Variants in PCTP observed in about 807,000 individuals in gnomAD.
PCTP encodes the protein START domain-containing protein 2.
In PCTP, 27 loss-of-function variants were observed where a neutral mutation model predicts 31.0. The ratio of observed to expected loss-of-function variants is 0.87; its 90% CI spans 0.64 to 1.20. PCTP has a LOEUF of 1.20. Ranked by LOEUF, PCTP falls within the 50% of genes most tolerant of loss-of-function variation. The pLI, the probability that PCTP is intolerant of heterozygous loss-of-function variation, is 0.00. For missense variants in PCTP, 287 were observed against 268.2 expected, an observed-to-expected ratio of 1.07 and a Z score of -0.49; for synonymous variants, 108 against 101.2, an observed-to-expected ratio of 1.07 and a Z score of -0.40.
chr17:55,774,934 C>G, intron 5 of PCTP, 75 bp downstream of exon 5: 1 of 1,448,482 alleles, frequency 6.9e-7, no homozygotes, highest in East Asian at 2.3e-5. Flanking sequence ...GCCCGCGGGG[C>G]TGTCAGGCTG....
intron 3 of PCTP, among the ~76,000 whole-genome samples, chr17:55,797,980 T>C (rs1912238839): frequency 6.6e-6 from 1 of 151,844 alleles, no homozygotes. Context: ...AAAACTGGGA[T>C]TCATATGTCC....
chr17:55,815,107 A>G (rs1315116699), intron 3 of PCTP, among the ~76,000 whole-genome samples: 1 of 152,216 alleles, frequency 6.6e-6, no homozygotes, highest in African/African-American at 2.4e-5. Flanking sequence ...GCTTATGTGC[A>G]TTGCTGCTTG....
At chr17:55,751,352 T>G in intron 1 of PCTP, 108 bp downstream of exon 1, 1 of 1,525,762 alleles carries the variant, frequency 6.6e-7, no homozygotes, top group Non-Finnish European at 8.8e-7. Context: ...GCGCGTCTTC[T>G]CCGGCTCAGG....
At chr17:55,796,324 G>GAT (rs1395303884) in intron 3 of PCTP, among the ~76,000 whole-genome samples, 1 of 151,866 alleles carries the variant, frequency 6.6e-6, no homozygotes, top group Non-Finnish European at 1.5e-5. Flanking sequence ...TTCTCATAGG[G>GAT]ATATATCTCT....
intron 1 of PCTP, among the ~76,000 whole-genome samples, chr17:55,763,947 C>G (rs929772684): frequency 2.6e-5 from 4 of 152,134 alleles, no homozygotes; most frequent in Non-Finnish European, 5.9e-5. Flanking sequence ...CATTTGGTTC[C>G]TCTGGAGCTC....
chr17:55,775,909 C>A (rs1490837360), intron 5 of PCTP, 126 bp from the exon 6 acceptor site: 2 of 1,448,152 alleles, frequency 1.4e-6, no homozygotes, highest in African/African-American at 2.9e-5. Flanking sequence ...CTGTTGAAAT[C>A]CAGTTAGGGA....
chr17:55,775,520 C>G, intron 5 of PCTP: 1 of 1,177,192 alleles, frequency 8.5e-7, no homozygotes, highest in Non-Finnish European at 1.1e-6. Flanking sequence ...TTTAAGGAAG[C>G]CATGCATTTC....
intron 3 of PCTP, among the ~76,000 whole-genome samples, chr17:55,813,742 A>G (rs1912826436): frequency 6.6e-6 from 1 of 152,214 alleles, no homozygotes; most frequent in South Asian, 2.1e-4. Context: ...GTTGTCCCAT[A>G]TTCCTTAAAA....
downstream of PCTP, among the ~76,000 whole-genome samples, chr17:55,778,820 G>A (rs566823722): frequency 2.2e-4 from 33 of 152,268 alleles, no homozygotes; most frequent in Admixed American, 6.5e-4. Flanking sequence ...ACTACTGTTG[G>A]TGGTAAATTT....
At chr17:55,789,386 A>T (rs546829994) in intron 3 of PCTP, among the ~76,000 whole-genome samples, 1 of 152,328 alleles carries the variant, frequency 6.6e-6, no homozygotes, top group Admixed American at 6.5e-5. Flanking sequence ...TTGTTCAGAT[A>T]CAGGATTAAT....
downstream of PCTP, among the ~76,000 whole-genome samples, chr17:55,844,669 C>G (rs1485079119): frequency 6.6e-6 from 1 of 152,098 alleles, no homozygotes; most frequent in Non-Finnish European, 1.5e-5. Context: ...AGAATCTAAT[C>G]CCTGCTCAGC....
chr17:55,760,481 C>T (rs928803646), intron 1 of PCTP, among the ~76,000 whole-genome samples: 1 of 152,150 alleles, frequency 6.6e-6, no homozygotes, highest in Non-Finnish European at 1.5e-5. Context: ...ACCCATTTTG[C>T]AGGTTAGTAG....
chr17:55,777,478 A>G (rs2144979235), downstream of PCTP: 5 of 841,754 alleles, frequency 5.9e-6, no homozygotes, highest in Non-Finnish European at 7.2e-6. Context: ...TTGTAGACTT[A>G]AACATAAAAC....
intron 1 of PCTP, among the ~76,000 whole-genome samples, chr17:55,763,502 A>T (rs1460123908): frequency 6.6e-6 from 1 of 151,890 alleles, no homozygotes; most frequent in Non-Finnish European, 1.5e-5. Flanking sequence ...TATTCTGGAA[A>T]TTTTTTTTCA....
At chr17:55,811,382 C>A (rs575312396) in intron 3 of PCTP, among the ~76,000 whole-genome samples, 1 of 152,286 alleles carries the variant, frequency 6.6e-6, no homozygotes, top group Admixed American at 6.5e-5. Flanking sequence ...TCCTGACAAC[C>A]AACTATGCAG....
downstream of PCTP, among the ~76,000 whole-genome samples, chr17:55,847,042 T>C (rs1906167283): frequency 6.6e-6 from 1 of 152,328 alleles, no homozygotes; most frequent in Non-Finnish European, 1.5e-5. Context: ...TGCCATGTAG[T>C]AGCCTTTCAA....
chr17:55,775,183 T>C (rs1367287059), intron 5 of PCTP: 7 of 1,253,490 alleles, frequency 5.6e-6, no homozygotes, highest in Non-Finnish European at 6.1e-6. Context: ...TTGGAGCCTA[T>C]ATTCCTCTGC....
chr17:55,846,021 C>A (rs957729894), downstream of PCTP, among the ~76,000 whole-genome samples: 1 of 151,988 alleles, frequency 6.6e-6, no homozygotes, highest in African/African-American at 2.4e-5. Context: ...CTGTTCCTCT[C>A]TGTAGGTTCA....
At chr17:55,790,015 A>G (rs941608167) in intron 3 of PCTP, among the ~76,000 whole-genome samples, 7 of 152,330 alleles carry the variant, frequency 4.6e-5, no homozygotes, top group Non-Finnish European at 8.8e-5. Flanking sequence ...AAATCAATAA[A>G]TGTAATCCAG....
Sources: gnomAD v4.1 joint callset for allele counts (sites outside exome capture counted in the v4.1 genomes callset) on GRCh38, gnomAD v4.1.1 for gene constraint, MANE v1.5 for transcripts, NCBI Gene and HGNC (gene_info 2026-07-23, HGNC 2026-07-21) for gene names.